ARHGAP32: variants seen among roughly 807,000 people sequenced by gnomAD.
ARHGAP32 encodes Rho GTPase activating protein 32.
ARHGAP32 carries 51 observed loss-of-function variants against 186.5 expected under a neutral mutation model. That is an observed-to-expected ratio of 0.27 (90% CI 0.22 to 0.35). The LOEUF (loss-of-function observed/expected upper bound fraction) is 0.35, where lower values mean the gene tolerates loss of function less well. ARHGAP32 is among the 10% of genes least tolerant of loss of function. The probability of loss-of-function intolerance (pLI) is 1.00; values close to 1 mark genes in which losing one functional copy is unlikely to be tolerated. For missense variants in ARHGAP32, 2,186 were observed against 2,623.5 expected, an observed-to-expected ratio of 0.83 and a Z score of 3.64; for synonymous variants, 950 against 964.3, an observed-to-expected ratio of 0.99 and a Z score of 0.27.
intron 6 of ARHGAP32, among the ~76,000 whole-genome samples, chr11:129,085,327 G>C (rs1941354472): frequency 6.6e-6 from 1 of 151,876 alleles, no homozygotes; most frequent in South Asian, 2.1e-4. Context: ...CACAACAAGG[G>C]GAATTTGAAA....
At chr11:129,277,445 A>G (rs1481845138) in intron 1 of ARHGAP32, among the ~76,000 whole-genome samples, 1 of 152,220 alleles carries the variant, frequency 6.6e-6, no homozygotes, top group Non-Finnish European at 1.5e-5. Context: ...AAACAGTTAC[A>G]TAACTGGAGA....
Position 128,969,214 on chromosome 11 carries a change from C to T in ARHGAP32, c.5999G>A (p.Ser2000Asn). ...SIVPPPKPER[S>N]HSLKLHHTQN... Reference sequence around the variant, plus strand: ...GGTATGATGGAGTTTGAGGCTATGACTCCTCTCTGGTTTAGGGGGTGGGAC... The same window carrying T: ...GGTATGATGGAGTTTGAGGCTATGATTCCTCTCTGGTTTAGGGGGTGGGAC... The change falls in exon 23 of 23, where the codon AGT becomes AAT. Residue 2000 changes from serine to asparagine, a missense_variant. By Grantham distance (46) the Ser-to-Asn change is conservative (BLOSUM62 1). Coordinates refer to ENST00000682385, the MANE Select transcript of ARHGAP32 (RefSeq NM_001378024.1). This position sits in a 1 kb window ranked among gnomAD's most constrained non-coding sequence, Gnocchi z 4.8. The T allele has an allele frequency of 1.2e-6, 2 of 1,614,028 alleles. No individual in the cohort carries two copies. The highest frequency in any genetic ancestry group is 3.3e-5 in the Admixed American group (2 of 60,024).
intron 1 of ARHGAP32, among the ~76,000 whole-genome samples, chr11:129,236,869 A>G (rs1209068449): frequency 1.3e-5 from 2 of 152,208 alleles, no homozygotes; most frequent in Admixed American, 6.5e-5. Flanking sequence ...CATTCAGTAT[A>G]ATGTTGGCTG....
intron 10 of ARHGAP32, among the ~76,000 whole-genome samples, chr11:129,058,708 G>A (rs529328301): frequency 2.6e-5 from 4 of 152,274 alleles, no homozygotes; most frequent in East Asian, 1.9e-4. Flanking sequence ...GAGGTTCTGC[G>A]CATGATTCTG....
chr11:129,158,898 G>C (rs1368736127), intron 2 of ARHGAP32, among the ~76,000 whole-genome samples: 1 of 152,196 alleles, frequency 6.6e-6, no homozygotes, highest in Admixed American at 6.5e-5. Flanking sequence ...TCAGGATTAA[G>C]AAACTCACTC....
intron 1 of ARHGAP32, among the ~76,000 whole-genome samples, chr11:129,179,973 TTTTC>T (rs1334396962): frequency 3.3e-5 from 5 of 152,014 alleles, no homozygotes; most frequent in Non-Finnish European, 5.9e-5. Flanking sequence ...AAGAAAACAT[TTTTC>T]TTTATTTGAA....
intron 11 of ARHGAP32, among the ~76,000 whole-genome samples, chr11:129,026,448 AG>A (rs1938851584): frequency 6.6e-6 from 1 of 152,050 alleles, no homozygotes; most frequent in South Asian, 2.1e-4. Context: ...GAGAGGCAAA[AG>A]GAGAATTCAC....
At chr11:129,055,367 A>G (rs1184950448) in intron 10 of ARHGAP32, among the ~76,000 whole-genome samples, 1 of 152,238 alleles carries the variant, frequency 6.6e-6, no homozygotes, top group Admixed American at 6.5e-5. Flanking sequence ...TTTGGCAGAC[A>G]GTGTTGTGGC....
chr11:128,971,496 G>C (rs866535653), intron 22 of ARHGAP32: 1 of 229,382 alleles, frequency 4.4e-6, no homozygotes, highest in African/African-American at 2.3e-5. Context: ...ATACATACCC[G>C]GTCTATTAGT....
intron 10 of ARHGAP32, among the ~76,000 whole-genome samples, chr11:129,041,492 T>TA (rs5795655): frequency 0.02 from 2,645 of 130,342 alleles, 25 homozygotes; most frequent in African/African-American, 0.029. Context: ...CCAGGTTTCA[T>TA]AAAAAAAAAA....
At chr11:128,993,415 C>T (rs1175655383) in intron 12 of ARHGAP32, 1 of 151,752 alleles carries the variant, frequency 6.6e-6, no homozygotes, top group Non-Finnish European at 1.5e-5. Context: ...AGGGTAAAGA[C>T]ACTATATTAA....
chr11:129,086,557 C>G (rs748360613), intron 6 of ARHGAP32, among the ~76,000 whole-genome samples: 1 of 152,100 alleles, frequency 6.6e-6, no homozygotes, highest in Non-Finnish European at 1.5e-5. Flanking sequence ...CATGGTGGCT[C>G]ACGCCTGTAA....
chr11:129,225,472 AC>A (rs1403560586), intron 1 of ARHGAP32, among the ~76,000 whole-genome samples: 1 of 152,156 alleles, frequency 6.6e-6, no homozygotes, highest in African/African-American at 2.4e-5. Context: ...TGGGAAAATG[AC>A]TGGTCCCAGG....
At chr11:129,085,140 C>T (rs371648833) in intron 6 of ARHGAP32, among the ~76,000 whole-genome samples, 5 of 152,068 alleles carry the variant, frequency 3.3e-5, no homozygotes, top group African/African-American at 1.2e-4. Flanking sequence ...CCTCTTGCCT[C>T]AGCCTCCTAA....
chr11:129,152,204 G>C (rs1162861584), intron 2 of ARHGAP32, among the ~76,000 whole-genome samples: 1 of 152,030 alleles, frequency 6.6e-6, no homozygotes, highest in African/African-American at 2.4e-5. Context: ...CAAGTAGTCT[G>C]TTCAGAGTTC....
chr11:129,222,097 C>T (rs1353725327), intron 1 of ARHGAP32, among the ~76,000 whole-genome samples: 1 of 152,156 alleles, frequency 6.6e-6, no homozygotes, highest in African/African-American at 2.4e-5. Context: ...GAAGAAACAG[C>T]AGCATCTGAA....
chr11:129,239,550 T>C (rs531013091), intron 1 of ARHGAP32, among the ~76,000 whole-genome samples: 9 of 152,184 alleles, frequency 5.9e-5, no homozygotes, highest in African/African-American at 1.9e-4. Flanking sequence ...CCTCCTAAAA[T>C]AGAAATTGGA....
intron 5 of ARHGAP32, among the ~76,000 whole-genome samples, chr11:129,098,323 T>A (rs1455707129): frequency 2.6e-5 from 4 of 152,204 alleles, no homozygotes; most frequent in African/African-American, 7.2e-5. Context: ...TACAATGATA[T>A]GTAACTCCAC....
intron 1 of ARHGAP32, among the ~76,000 whole-genome samples, chr11:129,222,426 G>A (rs1256815876): frequency 6.6e-6 from 1 of 152,076 alleles, no homozygotes; most frequent in African/African-American, 2.4e-5. Context: ...TGTTTTAATT[G>A]CCAAAAGCTA....
Sources: allele counts gnomAD v4.1 joint callset (sites outside exome capture counted in the v4.1 genomes callset), GRCh38; gene constraint gnomAD v4.1.1; non-coding constraint Gnocchi (gnomAD v3.1); transcripts MANE v1.5; gene names NCBI Gene and HGNC (gene_info 2026-07-23, HGNC 2026-07-21).